The following CTDSPL variants were observed in gnomAD, a reference collection of about 807,000 sequenced individuals.
CTDSPL encodes the protein CTD small phosphatase-like protein.
A neutral mutation model predicts 30.5 loss-of-function variants in CTDSPL; 8 were observed. That is an observed-to-expected ratio of 0.26 (90% confidence interval 0.15 to 0.47). The LOEUF (loss-of-function observed/expected upper bound fraction) is 0.47, where lower values mean the gene tolerates loss of function less well. Among genes scored for constraint, CTDSPL ranks in the 20% least tolerant of loss-of-function variants. CTDSPL has a pLI of 0.99. For synonymous variants in CTDSPL, 110 were observed against 137.9 expected (o/e 0.80, Z 1.42); for missense variants, 248 against 366.1 (o/e 0.68, Z 2.63).
chr3:37,865,265 T>A (rs1697996174), intron 1 of CTDSPL, among the ~76,000 whole-genome samples: 2 of 152,160 alleles, frequency 1.3e-5, no homozygotes, highest in Admixed American at 1.3e-4. Context: ...CTCTTACACA[T>A]TAATAGGAAA....
intron 3 of CTDSPL, among the ~76,000 whole-genome samples, chr3:37,962,133 T>C (rs1480879290): frequency 6.6e-6 from 1 of 152,224 alleles, no homozygotes; most frequent in South Asian, 2.1e-4. Flanking sequence ...CAGAGAAAAC[T>C]TGGTGCAGGA....
intron 1 of CTDSPL, among the ~76,000 whole-genome samples, chr3:37,909,066 C>T (rs1698551216): frequency 6.6e-6 from 1 of 152,072 alleles, no homozygotes. Flanking sequence ...AAACCGATAC[C>T]AATTAATTGG....
chr3:37,884,245 G>A (rs1241379978), intron 1 of CTDSPL, among the ~76,000 whole-genome samples: 2 of 152,160 alleles, frequency 1.3e-5, no homozygotes, highest in Admixed American at 6.5e-5. Flanking sequence ...ATAAAACATA[G>A]CATATTGACA....
chr3:37,931,938 A>G (rs558551359), intron 1 of CTDSPL, among the ~76,000 whole-genome samples: 9 of 152,272 alleles, frequency 5.9e-5, no homozygotes, highest in African/African-American at 1.9e-4. Flanking sequence ...AAGTGACTCT[A>G]ACATTCATTT....
chr3:37,914,808 A>G (rs140089866), intron 1 of CTDSPL, among the ~76,000 whole-genome samples: 19 of 151,376 alleles, frequency 1.3e-4, no homozygotes, highest in African/African-American at 4.4e-4. Context: ...GACTTGCAAA[A>G]TGAGTTGGGA....
At chr3:37,927,364 A>G (rs1698792076) in intron 1 of CTDSPL, among the ~76,000 whole-genome samples, 1 of 152,180 alleles carries the variant, frequency 6.6e-6, no homozygotes, top group Non-Finnish European at 1.5e-5. Context: ...TGAAATATAA[A>G]TGAATTTTAT....
intron 1 of CTDSPL, among the ~76,000 whole-genome samples, chr3:37,868,053 G>A (rs1407930995): frequency 1.3e-5 from 2 of 152,054 alleles, no homozygotes; most frequent in Non-Finnish European, 2.9e-5. Context: ...GATCAAGTCA[G>A]GGTATTTAGG....
At chr3:37,968,834 C>G (rs766122114) in intron 5 of CTDSPL, among the ~76,000 whole-genome samples, 1 of 152,216 alleles carries the variant, frequency 6.6e-6, no homozygotes, top group Non-Finnish European at 1.5e-5. Context: ...AAAGGTCATA[C>G]GATGGGAAGA....
At chr3:37,930,471 T>G (rs1337575387) in intron 1 of CTDSPL, among the ~76,000 whole-genome samples, 1 of 151,986 alleles carries the variant, frequency 6.6e-6, no homozygotes, top group East Asian at 1.9e-4. Flanking sequence ...TTATTATTAC[T>G]ACTACTACTA....
chr3:37,963,387 T>C (rs145176743), intron 3 of CTDSPL, among the ~76,000 whole-genome samples: 1 of 152,180 alleles, frequency 6.6e-6, no homozygotes, highest in Admixed American at 6.5e-5. Flanking sequence ...TCACTGACTT[T>C]CAGTTTGAAC....
intron 1 of CTDSPL, among the ~76,000 whole-genome samples, chr3:37,939,197 T>A (rs1698950394): frequency 6.6e-6 from 1 of 150,458 alleles, no homozygotes; most frequent in Non-Finnish European, 1.5e-5. Context: ...CCAGTCACAA[T>A]TTTTTGTTAT....
intron 2 of CTDSPL, among the ~76,000 whole-genome samples, chr3:37,955,987 T>C (rs1699168662): frequency 6.6e-6 from 1 of 152,240 alleles, no homozygotes; most frequent in East Asian, 1.9e-4. Context: ...TTTGATTTAT[T>C]TGATTGCATT....
At chr3:37,912,776 C>A (rs1698598133) in intron 1 of CTDSPL, among the ~76,000 whole-genome samples, 1 of 152,202 alleles carries the variant, frequency 6.6e-6, no homozygotes, top group African/African-American at 2.4e-5. Flanking sequence ...ATGTGTTAAA[C>A]CCTCACAAGT....
intron 3 of CTDSPL, among the ~76,000 whole-genome samples, chr3:37,959,098 C>T (rs1699207525): frequency 6.6e-6 from 1 of 152,136 alleles, no homozygotes; most frequent in African/African-American, 2.4e-5. Flanking sequence ...TGCTGAGTCT[C>T]CAAACCAGAT....
At chr3:37,933,794 A>C (rs912738731) in intron 1 of CTDSPL, among the ~76,000 whole-genome samples, 16 of 152,230 alleles carry the variant, frequency 1.1e-4, no homozygotes, top group Non-Finnish European at 7.3e-5. Flanking sequence ...TTACGAATAC[A>C]TATGGAGCTG....
rs183372462 is a variant in CTDSPL at position 37,949,983 on chromosome 3, G to A, written c.234+2772G>A. ...TCCCTGAGTCCTTGGACAAACACTC[G>A]AATGTATAGTCCCATGAGGTCAACT... On this transcript the variant is annotated intron_variant, in intron 2 of 7. Transcript: ENST00000273179. 8.5e-5 allele frequency among the ~76,000 whole-genome samples: 13 copies of A among 152,336 alleles called. No individual in the cohort carries two copies. The East Asian group carries it at 2.5e-3, about 29-fold the overall frequency.
rs770088179 is a variant in CTDSPL at position 37,940,562 on chromosome 3, A to G, written c.80-6495A>G. Among the ~76,000 whole-genome samples, 30 of 150,404 alleles carry G rather than the reference A, an allele frequency of 2.0e-4. 5 individuals are homozygous for G. The highest frequency in any genetic ancestry group is 3.9e-4 in the East Asian group (2 of 5,126). ...TTACGAGGTGCAAAGATGACTACCA[A>G]TTGCTCCAGGCTTACATCCTGCCAT... On this transcript the variant is annotated intron_variant, in intron 1 of 7. Coordinates refer to ENST00000273179, the MANE Select transcript of CTDSPL (RefSeq NM_001008392.2).
At chr3:37,879,167 T>C (rs192847763) in intron 1 of CTDSPL, among the ~76,000 whole-genome samples, 285 of 152,366 alleles carry the variant, frequency 1.9e-3, no homozygotes, top group Admixed American at 5.1e-3. Flanking sequence ...GAAACTTTCC[T>C]AAGAGTGAAG....
At chr3:37,896,578 C>T (rs943270114) in intron 1 of CTDSPL, among the ~76,000 whole-genome samples, 5 of 152,032 alleles carry the variant, frequency 3.3e-5, no homozygotes, top group South Asian at 2.1e-4. Context: ...GCTTTGTTGC[C>T]CAGGCTGGAG....
Sources: allele counts gnomAD v4.1 joint callset (sites outside exome capture counted in the v4.1 genomes callset), GRCh38; gene constraint gnomAD v4.1.1; transcripts MANE v1.5; gene names NCBI Gene and HGNC (gene_info 2026-07-23, HGNC 2026-07-21).